BANK1: variants seen among roughly 807,000 people sequenced by gnomAD.
BANK1 encodes the protein B-cell scaffold protein with ankyrin repeats.
Under a neutral mutation model 94.5 loss-of-function variants are expected in BANK1, and 95 were observed. The observed-to-expected ratio is 1.00, with a 90% CI of 0.85 to 1.19. The LOEUF (loss-of-function observed/expected upper bound fraction) is 1.19, where lower values mean the gene tolerates loss of function less well. Ranked by LOEUF, BANK1 falls within the 50% of genes most tolerant of loss-of-function variation. The pLI, the probability that BANK1 is intolerant of heterozygous loss-of-function variation, is 0.00. For missense variants in BANK1, 987 were observed against 932.2 expected, an observed-to-expected ratio of 1.06 and a Z score of -0.77; for synonymous variants, 334 against 308.4, an observed-to-expected ratio of 1.08 and a Z score of -0.87.
At chr4:102,069,048 A>G (rs1728678006) in intron 13 of BANK1, among the ~76,000 whole-genome samples, 1 of 152,200 alleles carries the variant, frequency 6.6e-6, no homozygotes, top group Non-Finnish European at 1.5e-5. Flanking sequence ...CAAGGCAGAT[A>G]CAGGAGGCAA....
chr4:101,858,815 C>A (rs905470321), intron 3 of BANK1, among the ~76,000 whole-genome samples: 1 of 152,126 alleles, frequency 6.6e-6, no homozygotes, highest in Non-Finnish European at 1.5e-5. Flanking sequence ...CAATCAGAAT[C>A]CTACCACATA....
chr4:102,066,930 G>A (rs1264993528), intron 13 of BANK1, among the ~76,000 whole-genome samples: 1 of 152,080 alleles, frequency 6.6e-6, no homozygotes, highest in African/African-American at 2.4e-5. Flanking sequence ...GGACAGTGGA[G>A]GCAGATAAAT....
chr4:102,068,770 G>A (rs1208640194), intron 13 of BANK1, among the ~76,000 whole-genome samples: 1 of 151,500 alleles, frequency 6.6e-6, no homozygotes, highest in African/African-American at 2.4e-5. Flanking sequence ...GGAGGTTGCA[G>A]TGAGCCAAGA....
At chr4:101,849,615 A>G (rs1243196799) in intron 2 of BANK1, among the ~76,000 whole-genome samples, 1 of 152,188 alleles carries the variant, frequency 6.6e-6, no homozygotes, top group Admixed American at 6.5e-5. Context: ...ATTAACACAT[A>G]CTATATAAAA....
chr4:101,980,410 A>T (rs1315592680), intron 7 of BANK1, among the ~76,000 whole-genome samples: 1 of 151,734 alleles, frequency 6.6e-6, no homozygotes, highest in Non-Finnish European at 1.5e-5. Flanking sequence ...ATTTTTACAT[A>T]ATAAAATGCC....
chr4:101,843,901 G>T (rs146515733), intron 2 of BANK1, among the ~76,000 whole-genome samples: 1 of 152,238 alleles, frequency 6.6e-6, no homozygotes. Flanking sequence ...CAGCCTGGGT[G>T]ACAGGGCAAG....
intron 7 of BANK1, among the ~76,000 whole-genome samples, chr4:101,998,493 T>A (rs190110445): frequency 4.8e-4 from 73 of 152,328 alleles, no homozygotes; most frequent in Middle Eastern, 3.4e-3. Context: ...CTTGTTGATC[T>A]GTCTACTATT....
rs116320369 is a variant in BANK1, at chr4:101,936,359, A to G, written c.1206+18170A>G. On this transcript the variant is annotated intron_variant, in intron 7 of 16. Transcript: ENST00000322953. ...TATATGTACATATACATGTATACAT[A>G]CATGCATATATGTGTGCATACATGC... is the stretch of plus-strand genomic sequence containing the variant. Among the ~76,000 whole-genome samples the G allele has an allele frequency of 7.4e-3, 1,110 of 150,322 alleles. 40 individuals carry two copies. In the East Asian group the frequency reaches 0.1, roughly 14 times the overall value.
intron 2 of BANK1, among the ~76,000 whole-genome samples, chr4:101,831,449 C>G (rs537002363): frequency 2.6e-5 from 4 of 152,190 alleles, no homozygotes; most frequent in Non-Finnish European, 2.9e-5. Flanking sequence ...AGTATTGTAA[C>G]CTCTTCAAAT....
Position 102,030,124 on chromosome 4 carries a change from G to T in BANK1, c.1759G>T (p.Glu587Ter). The change falls in exon 10 of 17, where the codon GAA becomes TAA. Residue 587 changes from glutamate (E) to a stop codon, truncating the protein, a stop_gained. Transcript: ENST00000322953. LOFTEE classifies it high-confidence loss of function. ...TACTTTTGCTGAGATTGATGACAGT[G>T]AATATGACATGATATTGGCCAATCT... ...PYTFAEIDDS[E>*]YDMILANLSI... 1 of 1,613,970 alleles carries T rather than the reference G, an allele frequency of 6.2e-7. No homozygotes were observed. Among genetic ancestry groups the T allele is most frequent in the Non-Finnish European group, 8.5e-7 (1 of 1,179,962 alleles).
Position 101,829,864 on chromosome 4 carries a change from T to G in BANK1, c.127T>G (p.Tyr43Asp). The change falls in exon 2 of 17, where the codon TAC becomes GAC. Residue 43 changes from tyrosine (Y) to aspartate (D), a missense_variant. Tyr to Asp is a radical substitution (Grantham distance 160). Transcript: ENST00000322953. ...AGAAGATGCTGAGGAATGGGCTCTGTACTTGACAGAAGTATTTTTACATGT... is the reference window on the plus strand; with the variant it reads ...AGAAGATGCTGAGGAATGGGCTCTGGACTTGACAGAAGTATTTTTACATGT... ...YEEDAEEWAL[Y>D]LTEVFLHVVK... The G allele has an allele frequency of 6.2e-7, 1 of 1,610,446 alleles. No homozygotes were observed. The highest frequency in any genetic ancestry group is 8.5e-7 in the Non-Finnish European group (1 of 1,177,352).
Position 102,071,813 on chromosome 4 carries a change from G to A in BANK1, c.2242+509G>A, listed in dbSNP as rs150542282. ...ATGGGATAGTAAGGAGGAGCTAGAC[G>A]TCAGCTAGGGAGCTGTTGAATATTC... On this transcript the variant is annotated intron_variant, in intron 14 of 16. Coordinates refer to ENST00000322953, the MANE Select transcript of BANK1 (RefSeq NM_017935.5). 2.0e-3 allele frequency among the ~76,000 whole-genome samples: 298 copies of A among 152,240 alleles called. 1 individual carries two copies. The highest frequency in any genetic ancestry group is 6.9e-3 in the African/African-American group (286 of 41,552).
chr4:101,819,359 C>T (rs1283608561), intron 1 of BANK1, among the ~76,000 whole-genome samples: 1 of 152,124 alleles, frequency 6.6e-6, no homozygotes, highest in African/African-American at 2.4e-5. Context: ...GAGCTCCCCT[C>T]AGTCAAAGTC....
At chr4:101,824,907 C>G (rs1410616367) in intron 1 of BANK1, among the ~76,000 whole-genome samples, 1 of 151,880 alleles carries the variant, frequency 6.6e-6, no homozygotes, top group Non-Finnish European at 1.5e-5. Context: ...GTAATGTAGT[C>G]TGGTTTTGGT....
intron 11 of BANK1, among the ~76,000 whole-genome samples, chr4:102,055,139 A>G (rs764208009): frequency 6.6e-6 from 1 of 152,104 alleles, no homozygotes; most frequent in African/African-American, 2.4e-5. Context: ...GAATGTTTGT[A>G]TACATTTTTA....
intron 6 of BANK1, among the ~76,000 whole-genome samples, chr4:101,902,242 T>G (rs1346830401): frequency 6.6e-6 from 1 of 152,172 alleles, no homozygotes; most frequent in Non-Finnish European, 1.5e-5. Flanking sequence ...CCATGACACC[T>G]GGTTGACTAT....
At chr4:101,794,125 A>G (rs1276980268) in intron 1 of BANK1, among the ~76,000 whole-genome samples, 1 of 152,116 alleles carries the variant, frequency 6.6e-6, no homozygotes, top group African/African-American at 2.4e-5. Context: ...AGGGAATTAA[A>G]CTATAGCAGT....
chr4:102,053,880 T>G (rs1034770965), intron 11 of BANK1, among the ~76,000 whole-genome samples: 1 of 151,712 alleles, frequency 6.6e-6, no homozygotes, highest in Non-Finnish European at 1.5e-5. Flanking sequence ...CATTACTTTA[T>G]TAATAAAAAA....
chr4:101,842,044 A>T (rs1727068332), intron 2 of BANK1, among the ~76,000 whole-genome samples: 1 of 152,192 alleles, frequency 6.6e-6, no homozygotes, highest in South Asian at 2.1e-4. Flanking sequence ...GAAATTTAAA[A>T]AACCTTTCTT....
Sources: allele counts gnomAD v4.1 joint callset (sites outside exome capture counted in the v4.1 genomes callset), GRCh38; gene constraint gnomAD v4.1.1; transcripts MANE v1.5; gene names NCBI Gene and HGNC (gene_info 2026-07-23, HGNC 2026-07-21).